IQSEC1: variants seen among roughly 807,000 people sequenced by gnomAD.
IQSEC1 encodes IQ motif and SEC7 domain-containing protein 1.
A neutral mutation model predicts 91.0 loss-of-function variants in IQSEC1; 31 were observed. The ratio of observed to expected loss-of-function variants is 0.34; its 90% CI spans 0.26 to 0.46. IQSEC1 has a LOEUF of 0.46. Ranked by LOEUF, IQSEC1 falls within the 20% of genes least tolerant of loss-of-function variation. The probability of loss-of-function intolerance (pLI) is 1.00; values close to 1 mark genes in which losing one functional copy is unlikely to be tolerated. For synonymous variants in IQSEC1, 699 were observed against 662.6 expected (o/e 1.05, Z -0.84); for missense variants, 1,388 against 1,575.6 (o/e 0.88, Z 2.02).
intron 1 of IQSEC1, among the ~76,000 whole-genome samples, chr3:13,256,201 A>G (rs1243815366): frequency 6.6e-6 from 1 of 152,240 alleles, no homozygotes; most frequent in Admixed American, 6.5e-5. Flanking sequence ...AGAGACGGAT[A>G]GTGGTGACGG....
intron 2 of IQSEC1, among the ~76,000 whole-genome samples, chr3:13,160,180 C>T (rs1707151422): frequency 6.6e-6 from 1 of 152,204 alleles, no homozygotes; most frequent in Non-Finnish European, 1.5e-5. Flanking sequence ...CACTTCCCTG[C>T]TGCTCCGGAG....
At chr3:13,180,476 G>C (rs550574353) in intron 1 of IQSEC1, among the ~76,000 whole-genome samples, 1 of 152,060 alleles carries the variant, frequency 6.6e-6, no homozygotes, top group South Asian at 2.1e-4. Context: ...CAGTCCACTC[G>C]GCTCTCTGTA....
chr3:13,163,853 T>G (rs1352134406), intron 2 of IQSEC1, among the ~76,000 whole-genome samples: 1 of 151,910 alleles, frequency 6.6e-6, no homozygotes, highest in Non-Finnish European at 1.5e-5. Context: ...CCAACCTAGG[T>G]GATCTCTGCA....
chr3:13,266,653 G>A (rs1259862200), intron 1 of IQSEC1, among the ~76,000 whole-genome samples: 10 of 151,684 alleles, frequency 6.6e-5, no homozygotes, highest in Non-Finnish European at 5.9e-5. Context: ...CGCTGAAGCC[G>A]TCACCTTAAG....
intron 2 of IQSEC1, among the ~76,000 whole-genome samples, chr3:13,153,709 G>C (rs1469835197): frequency 1.3e-5 from 2 of 152,166 alleles, no homozygotes; most frequent in Non-Finnish European, 2.9e-5. Flanking sequence ...GGTGCTGTGC[G>C]TGTCTTTCCT....
intron 1 of IQSEC1, among the ~76,000 whole-genome samples, chr3:13,068,715 T>C (rs1705318315): frequency 6.6e-6 from 1 of 152,236 alleles, no homozygotes; most frequent in Non-Finnish European, 1.5e-5. Flanking sequence ...CCAGGGCCTC[T>C]GCACTTGCTG....
chr3:13,176,600 C>A (rs1035250182), intron 1 of IQSEC1, among the ~76,000 whole-genome samples: 1 of 152,188 alleles, frequency 6.6e-6, no homozygotes, highest in African/African-American at 2.4e-5. Context: ...CAGGGTGCAG[C>A]CCTCTCAGCA....
chr3:13,006,906 C>T (rs1349031223), intron 1 of IQSEC1, among the ~76,000 whole-genome samples: 1 of 152,232 alleles, frequency 6.6e-6, no homozygotes, highest in Non-Finnish European at 1.5e-5. Flanking sequence ...CTCTGACTGG[C>T]GGAGCCCCTG....
At chr3:13,066,656 G>A (rs1424447828) in intron 1 of IQSEC1, among the ~76,000 whole-genome samples, 2 of 152,250 alleles carry the variant, frequency 1.3e-5, no homozygotes, top group Admixed American at 1.3e-4. Flanking sequence ...AGGCCCCAGA[G>A]CGGCTGAGGA....
At chr3:12,905,820 G>A (rs1694913620) in intron 12 of IQSEC1, among the ~76,000 whole-genome samples, 1 of 152,264 alleles carries the variant, frequency 6.6e-6, no homozygotes, top group Admixed American at 6.5e-5. Flanking sequence ...CCAGGGAGGG[G>A]CAGGAGGGCC....
intron 1 of IQSEC1, among the ~76,000 whole-genome samples, chr3:13,174,955 C>A (rs1435680609): frequency 6.6e-6 from 1 of 152,152 alleles, no homozygotes; most frequent in African/African-American, 2.4e-5. Flanking sequence ...CTGGTCCCTC[C>A]TCCTGGCATG....
At chr3:12,951,677 G>A (rs1699558359) in intron 1 of IQSEC1, among the ~76,000 whole-genome samples, 1 of 152,108 alleles carries the variant, frequency 6.6e-6, no homozygotes. Context: ...ATGGACTCCT[G>A]AGGTCCTTCC....
At chr3:13,220,763 G>T (rs551881070) in intron 1 of IQSEC1, among the ~76,000 whole-genome samples, 90 of 152,182 alleles carry the variant, frequency 5.9e-4, no homozygotes, top group Non-Finnish European at 1.1e-3. Flanking sequence ...GGGCGATGCC[G>T]CCTGGACACT....
Position 13,257,341 on chromosome 3 carries a change from G to T in IQSEC1, c.272+25370C>A, listed in dbSNP as rs562929374. ...ATTCTCCAGAAGACATAACATTCCG[G>T]CTAGGCAGGACGTTCCCAAGGACAC... On this transcript the variant is annotated intron_variant, in intron 1 of 15. Transcript: ENST00000648114. 6.9e-4 allele frequency among the ~76,000 whole-genome samples: 105 copies of T among 152,306 alleles called. 1 individual carries two copies. The highest frequency in any genetic ancestry group is 6.6e-3 in the Admixed American group (101 of 15,302).
chr3:12,900,279 A>G lies in IQSEC1; in HGVS notation c.*704T>C. On this transcript the variant is annotated 3_prime_UTR_variant, in exon 14 of 14. Transcript: ENST00000613206. Reference sequence around the variant, plus strand: ...GCCAGTCCTAGAGGGACTTCTTTGTATGAAAATATGAAGTATCTGAATTTG... The same window carrying G: ...GCCAGTCCTAGAGGGACTTCTTTGTGTGAAAATATGAAGTATCTGAATTTG... 1.0e-6 allele frequency: 1 copy of G among 985,042 alleles called. No homozygotes were observed. The highest frequency in any genetic ancestry group is 1.2e-6 in the Non-Finnish European group (1 of 829,658). 61.0% of individuals were successfully genotyped at this position (985,042 alleles called of 1,614,324 possible). A position where few individuals can be genotyped will look rare whatever the true frequency, so the allele number is the denominator to read the frequency against.
At chr3:13,258,986 A>G (rs534215998) in intron 1 of IQSEC1, among the ~76,000 whole-genome samples, 4 of 152,182 alleles carry the variant, frequency 2.6e-5, no homozygotes, top group African/African-American at 7.2e-5. Context: ...CCCAAGACCT[A>G]TCATCTTTCC....
rs1288617366 is a variant in IQSEC1 at position 12,915,194 on chromosome 3, A to G, written c.2161-61T>C. 3.4e-5 allele frequency: 52 copies of G among 1,544,204 alleles called. No homozygotes were observed. In the East Asian group the frequency reaches 9.9e-4, roughly 29 times the overall value. ...ATGTTTCAAAGCCACGCCCAGGCCAATGCTGCAAGTGCCCCTCCCTACACC... is the reference window on the plus strand; with the variant it reads ...ATGTTTCAAAGCCACGCCCAGGCCAGTGCTGCAAGTGCCCCTCCCTACACC... On this transcript the variant is annotated intron_variant, in intron 7 of 13. Coordinates refer to ENST00000613206, the MANE Select transcript of IQSEC1 (RefSeq NM_001134382.3).
At position 12,979,294 on chromosome 3, in the gene IQSEC1, C is replaced by T. The variant is rs1238365222; in HGVS notation, c.24-37429G>A. On this transcript the variant is annotated intron_variant, in intron 1 of 13. Coordinates refer to ENST00000613206, the MANE Select transcript of IQSEC1 (RefSeq NM_001134382.3). The surrounding 1 kb of genome is among the most constrained non-coding windows in gnomAD (Gnocchi z 4.3). ...ACTCCTGCTTTGATCCTGTTATCAG[C>T]CCCATCCCTGAGGCCTGCTGTGTTT... is the stretch of plus-strand genomic sequence containing the variant. Among the ~76,000 whole-genome samples the T allele has an allele frequency of 6.6e-6, 1 of 152,320 alleles. No homozygotes were observed. Among genetic ancestry groups the T allele is most frequent in the South Asian group, 2.1e-4 (1 of 4,832 alleles).
intron 1 of IQSEC1, among the ~76,000 whole-genome samples, chr3:12,958,771 C>T (rs1700072490): frequency 6.6e-6 from 1 of 152,188 alleles, no homozygotes; most frequent in South Asian, 2.1e-4. Context: ...GGGTTGGGGG[C>T]ACTCTATGTA....
Sources: allele counts gnomAD v4.1 joint callset (sites outside exome capture counted in the v4.1 genomes callset), GRCh38; gene constraint gnomAD v4.1.1; non-coding constraint Gnocchi (gnomAD v3.1); transcripts MANE v1.5; gene names NCBI Gene and HGNC (gene_info 2026-07-23, HGNC 2026-07-21).